Variants in TEK observed in about 807,000 individuals in gnomAD.
TEK encodes TEK receptor tyrosine kinase, also known as angiopoietin-1 receptor.
TEK carries 43 observed loss-of-function variants against 131.8 expected under a neutral mutation model. The ratio of observed to expected loss-of-function variants is 0.33; its 90% CI spans 0.26 to 0.42. The LOEUF (loss-of-function observed/expected upper bound fraction) is 0.42, where lower values mean the gene tolerates loss of function less well. Ranked by LOEUF, TEK falls within the 10% of genes least tolerant of loss-of-function variation. TEK has a pLI of 1.00. For synonymous variants in TEK, 580 were observed against 491.6 expected, an observed-to-expected ratio of 1.18 and a Z score of -2.38; for missense variants, 1,162 against 1,384.4, an observed-to-expected ratio of 0.84 and a Z score of 2.55.
intron 6 of TEK, among the ~76,000 whole-genome samples, chr9:27,179,207 T>C (rs771020512): frequency 1.3e-5 from 2 of 152,202 alleles, no homozygotes; most frequent in Admixed American, 6.5e-5. Flanking sequence ...TATTGACTCT[T>C]TCTTTTGTTA....
chr9:27,145,886 A>G (rs1054580748), intron 1 of TEK, among the ~76,000 whole-genome samples: 5 of 152,202 alleles, frequency 3.3e-5, no homozygotes, highest in Non-Finnish European at 7.3e-5. Flanking sequence ...ATAAATAAAA[A>G]TCTTTATTTT....
chr9:27,206,669 G>C lies in TEK; in HGVS notation c.2452G>C (p.Val818Leu), dbSNP rs1226699871. 1.2e-6 allele frequency: 2 copies of C among 1,613,894 alleles called. No homozygotes were observed. The highest frequency in any genetic ancestry group is 1.7e-6 in the Non-Finnish European group (2 of 1,179,992). Residue 818 changes from valine to leucine, a missense_variant, in exon 15 of 23, where the codon GTG (valine) becomes CTG (leucine). By Grantham distance (32) the Val-to-Leu change is conservative. Around this residue, in one of 6 missense-constraint regions of TEK, gnomAD observed 477 missense variants for 471.0 expected, o/e 1.01. Transcript: ENST00000380036. ...CAACCCAGATCCTACAATTTATCCA[G>C]TGCTTGACTGGAATGACATCAAATT... is the stretch of plus-strand genomic sequence containing the variant. ...KNNPDPTIYP[V>L]LDWNDIKFQD...
intron 1 of TEK, among the ~76,000 whole-genome samples, chr9:27,135,938 T>C (rs1043500870): frequency 6.6e-6 from 1 of 152,204 alleles, no homozygotes; most frequent in Non-Finnish European, 1.5e-5. Flanking sequence ...ATTTTAAAAA[T>C]GTTTATCTTT....
chr9:27,219,749 G>GAC (rs879936516), intron 20 of TEK, among the ~76,000 whole-genome samples: 58,655 of 128,488 alleles, frequency 0.46, 13,406 homozygotes, highest in Middle Eastern at 0.56. Flanking sequence ...AATCTTATTG[G>GAC]TATAATAAAG....
At position 27,192,632 on chromosome 9, in the gene TEK, A is replaced by C. The variant is rs1171686289; in HGVS notation, c.1624+9A>C. The C allele has an allele frequency of 6.2e-7, 1 of 1,609,808 alleles. No homozygotes were observed. The highest frequency in any genetic ancestry group is 1.7e-5 in the Admixed American group (1 of 59,870). ...CACAACAGCTTCTATCGGTCAGTGG[A>C]AGCCAACAGGCATTTATTCATGAGC... On this transcript the variant is annotated intron_variant, in intron 11 of 22. Coordinates refer to ENST00000380036, the MANE Select transcript of TEK (RefSeq NM_000459.5).
At chr9:27,137,586 ATTT>A (rs1822518491) in intron 1 of TEK, among the ~76,000 whole-genome samples, 1 of 152,106 alleles carries the variant, frequency 6.6e-6, no homozygotes, top group Non-Finnish European at 1.5e-5. Flanking sequence ...AACTTTAGGA[ATTT>A]ATATTTCCTA....
At chr9:27,143,458 G>A (rs769882953) in intron 1 of TEK, among the ~76,000 whole-genome samples, 2 of 152,134 alleles carry the variant, frequency 1.3e-5, no homozygotes, top group African/African-American at 2.4e-5. Context: ...ATGAAGAGAA[G>A]AACCGAGAAA....
At position 27,202,895 on chromosome 9, in the gene TEK, T is replaced by G; in HGVS notation, c.1985T>G (p.Leu662Trp). The change falls in exon 13 of 23, where the codon TTG becomes TGG. Residue 662 changes from leucine to tryptophan, a missense_variant. By Grantham distance (61) the Leu-to-Trp change is moderately conservative. This residue lies in a region of TEK where 477 missense variants were observed against 471.0 expected (regional missense o/e 1.01). Transcript: ENST00000380036. ...TCAGCTGTGATTTCTTGGACAATAT[T>G]GGATGGCTATTCTATTTCTTCTATT... ...HSSAVISWTI[L>W]DGYSISSITI... 1 of 1,614,206 alleles carries G rather than the reference T, an allele frequency of 6.2e-7. No homozygotes were observed. The highest frequency in any genetic ancestry group is 8.5e-7 in the Non-Finnish European group (1 of 1,180,012).
intron 1 of TEK, among the ~76,000 whole-genome samples, chr9:27,138,197 A>C (rs1822572449): frequency 6.6e-6 from 1 of 152,220 alleles, no homozygotes; most frequent in Non-Finnish European, 1.5e-5. Context: ...TGTGAAGAGC[A>C]AAAGAACAAA....
rs56367117 is a variant in TEK, at chr9:27,202,936, G to A, written c.2026G>A (p.Val676Ile). The change falls in exon 13 of 23, where the codon GTT becomes ATT. Residue 676 changes from valine to isoleucine, a missense_variant. By Grantham distance (29) the Val-to-Ile change is conservative. Transcript: ENST00000380036. The part of the protein sequence containing the change: ...SISSITIRYK[V>I]QGKNEDQHVD... ...TTCTTCTATTACTATCCGTTACAAG[G>A]TTCAAGGCAAGAATGAAGACCAGCA... 1.2e-6 allele frequency: 2 copies of A among 1,614,092 alleles called. No individual in the cohort carries two copies. The highest frequency in any genetic ancestry group is 1.7e-6 in the Non-Finnish European group (2 of 1,180,004).
intron 1 of TEK, among the ~76,000 whole-genome samples, chr9:27,151,449 A>G (rs907479874): frequency 2.0e-5 from 3 of 152,174 alleles, no homozygotes; most frequent in Admixed American, 2.0e-4. Context: ...TTGAAAAATG[A>G]GTAACTACTG....
intron 1 of TEK, among the ~76,000 whole-genome samples, chr9:27,156,285 AT>A (rs1823328104): frequency 6.6e-6 from 1 of 152,118 alleles, no homozygotes; most frequent in African/African-American, 2.4e-5. Flanking sequence ...TTGTAAACCA[AT>A]TCCTAAATTC....
intron 9 of TEK, 58 bp from the exon 10 acceptor site, chr9:27,190,471 G>T: frequency 6.2e-7 from 1 of 1,606,858 alleles, no homozygotes; most frequent in Non-Finnish European, 8.5e-7. Context: ...CTCTACCTAA[G>T]AACAATCACA....
rs375476750 is a variant in TEK, at chr9:27,180,391, T to G, written c.1030+23T>G. 1.1e-5 allele frequency: 17 copies of G among 1,608,158 alleles called. No individual in the cohort carries two copies. In the Admixed American group the frequency reaches 2.2e-4, roughly 21 times the overall value. ...AAGGTAAAGCAAGGTAACACTGTAGTCAGGGCCATGTTCAGCATGTCTGAA... is the reference window on the plus strand; with the variant it reads ...AAGGTAAAGCAAGGTAACACTGTAGGCAGGGCCATGTTCAGCATGTCTGAA... On this transcript the variant is annotated intron_variant, in intron 7 of 22. Transcript: ENST00000380036.
intron 11 of TEK, among the ~76,000 whole-genome samples, chr9:27,194,802 T>G (rs943443133): frequency 1.6e-4 from 25 of 152,114 alleles, no homozygotes; most frequent in African/African-American, 6.0e-4. Flanking sequence ...ATTTTGCTGC[T>G]GTTTGCTTTT....
rs566732537 is a variant in TEK, at chr9:27,145,556, C to G, written c.53-12275C>G. Among the ~76,000 whole-genome samples, 7 of 152,326 alleles carry G rather than the reference C, an allele frequency of 4.6e-5. No homozygotes were observed. In the South Asian group the frequency reaches 6.2e-4, roughly 14 times the overall value. On this transcript the variant is annotated intron_variant, in intron 1 of 22. Transcript: ENST00000380036. ...TACACAGAAATCAATGATTTAGAAG[C>G]TATCACCCTGTTTTACACATGAGGA...
In TEK at chr9:27,109,311, T is replaced by A; in HGVS notation, c.-280T>A. On this transcript the variant is annotated 5_prime_UTR_variant, in exon 1 of 23. An upstream open reading frame in the 5' UTR loses its in-frame stop. Coordinates refer to ENST00000380036, the MANE Select transcript of TEK (RefSeq NM_000459.5). ...GATGAATTGCGAGATGGATAGGGCTTGAGTGCCCCCAGCCCTGCTGATACC... is the reference window on the plus strand; with the variant it reads ...GATGAATTGCGAGATGGATAGGGCTAGAGTGCCCCCAGCCCTGCTGATACC... 2 of 570,234 alleles carry A rather than the reference T, an allele frequency of 3.5e-6. No individual in the cohort carries two copies. The highest frequency in any genetic ancestry group is 6.1e-6 in the Non-Finnish European group (2 of 325,608). 35.3% of individuals were successfully genotyped at this position (570,234 alleles called of 1,614,324 possible).
Position 27,204,977 on chromosome 9 carries a change from G to A in TEK, c.2276G>A (p.Cys759Tyr), listed in dbSNP as rs1178178451. The A allele has an allele frequency of 6.2e-7, 1 of 1,613,958 alleles. No individual in the cohort carries two copies. The highest frequency in any genetic ancestry group is 8.5e-7 in the Non-Finnish European group (1 of 1,179,944). ...IAILGSAGMT[C>Y]LTVLLAFLII... ...ATCCTTGGCTCTGCTGGAATGACCT[G>A]CCTGACTGTGCTGTTGGCCTTTCTG... Residue 759 changes from cysteine (C) to tyrosine (Y), a missense_variant, in exon 14 of 23, where the codon TGC becomes TAC. This residue lies in a region of TEK where 477 missense variants were observed against 471.0 expected (regional missense o/e 1.01). Transcript: ENST00000380036.
At chr9:27,125,362 C>A (rs1385343652) in intron 1 of TEK, among the ~76,000 whole-genome samples, 1 of 152,224 alleles carries the variant, frequency 6.6e-6, no homozygotes, top group Non-Finnish European at 1.5e-5. Flanking sequence ...AAAGACAGTG[C>A]TGTTGCCAGC....
Sources: allele counts gnomAD v4.1 joint callset (sites outside exome capture counted in the v4.1 genomes callset), GRCh38; gene constraint gnomAD v4.1.1; regional missense constraint gnomAD v4.1.1; transcripts MANE v1.5; gene names NCBI Gene and HGNC (gene_info 2026-07-23, HGNC 2026-07-21).